The following CFAP299 variants were observed in gnomAD, a reference collection of about 807,000 sequenced individuals.
CFAP299 encodes the protein cilia and flagella associated protein 299, also known as cilia- and flagella-associated protein 299.
CFAP299 carries 21 observed loss-of-function variants against 27.0 expected under a neutral mutation model. The observed-to-expected ratio is 0.78, with a 90% CI of 0.55 to 1.12. The LOEUF is 1.12. Among genes scored for constraint, CFAP299 ranks in the 50% most tolerant of loss-of-function variants. The probability of loss-of-function intolerance (pLI) is 0.00; values close to 1 mark genes in which losing one functional copy is unlikely to be tolerated. For missense variants in CFAP299, 310 were observed against 276.6 expected, an observed-to-expected ratio of 1.12 and a Z score of -0.86; for synonymous variants, 104 against 98.1, an observed-to-expected ratio of 1.06 and a Z score of -0.36.
At chr4:80,745,577 G>GA (rs1032090851) in intron 3 of CFAP299, among the ~76,000 whole-genome samples, 17 of 151,284 alleles carry the variant, frequency 1.1e-4, no homozygotes, top group African/African-American at 4.1e-4. Context: ...TAGATTTACA[G>GA]AAAATGTGTG....
At chr4:80,906,367 G>T (rs963978196) in intron 4 of CFAP299, among the ~76,000 whole-genome samples, 4 of 152,202 alleles carry the variant, frequency 2.6e-5, no homozygotes, top group African/African-American at 9.7e-5. Flanking sequence ...AGCATTGAGT[G>T]TCTGCAGTTT....
rs563175366 is a variant in CFAP299, at chr4:80,789,426, C to T, written c.334-80567C>T. On this transcript the variant is annotated intron_variant, in intron 3 of 5. Transcript: ENST00000358105. The stretch of plus-strand genomic sequence containing the variant: ...TTAATTTCAATTAGAACCCATTCTA[C>T]CTACATTAGATAGCCTCATGAATTT... Among the ~76,000 whole-genome samples, 9 of 152,108 alleles carry T rather than the reference C, an allele frequency of 5.9e-5. No individual in the cohort carries two copies. In the East Asian group the frequency reaches 1.5e-3, roughly 26 times the overall value.
chr4:80,659,960 T>TA (rs1740754750), intron 3 of CFAP299, among the ~76,000 whole-genome samples: 2 of 152,120 alleles, frequency 1.3e-5, no homozygotes, highest in Admixed American at 6.6e-5. Flanking sequence ...TAGATGCTAA[T>TA]AACATTGGGT....
intron 5 of CFAP299, among the ~76,000 whole-genome samples, chr4:80,949,464 G>A (rs1206101184): frequency 6.6e-6 from 1 of 151,770 alleles, no homozygotes; most frequent in Non-Finnish European, 1.5e-5. Flanking sequence ...TAAACTTTTA[G>A]TGGGGACTTA....
intron 2 of CFAP299, among the ~76,000 whole-genome samples, chr4:80,392,166 C>T (rs527844760): frequency 1.3e-5 from 2 of 152,298 alleles, no homozygotes; most frequent in Admixed American, 1.3e-4. Context: ...GATGCCTTTA[C>T]CTCCATTGTA....
At chr4:80,582,579 T>C (rs749975840) in intron 2 of CFAP299, among the ~76,000 whole-genome samples, 15 of 151,932 alleles carry the variant, frequency 9.9e-5, no homozygotes, top group Non-Finnish European at 1.9e-4. Flanking sequence ...CAGAGAATGA[T>C]ATTTTTTGAA....
intron 3 of CFAP299, among the ~76,000 whole-genome samples, chr4:80,695,313 G>A (rs1034097242): frequency 1.3e-5 from 2 of 152,130 alleles, no homozygotes; most frequent in African/African-American, 2.4e-5. Flanking sequence ...TTTATGGACT[G>A]CTAAAGCCTT....
At chr4:80,689,379 G>A (rs1356690399) in intron 3 of CFAP299, among the ~76,000 whole-genome samples, 6 of 152,184 alleles carry the variant, frequency 3.9e-5, no homozygotes, top group Non-Finnish European at 7.3e-5. Context: ...CAGAGTGGGG[G>A]CCAATATTCA....
chr4:80,610,229 C>G (rs1737896775), intron 3 of CFAP299, among the ~76,000 whole-genome samples: 1 of 151,980 alleles, frequency 6.6e-6, no homozygotes, highest in Admixed American at 6.6e-5. Flanking sequence ...GAAGTGTGGA[C>G]AGAAATGAGA....
At chr4:80,690,728 C>G (rs1302076200) in intron 3 of CFAP299, among the ~76,000 whole-genome samples, 2 of 152,024 alleles carry the variant, frequency 1.3e-5, no homozygotes, top group Non-Finnish European at 2.9e-5. Flanking sequence ...ACACAAAAAA[C>G]CCTTCAAAAA....
intron 3 of CFAP299, among the ~76,000 whole-genome samples, chr4:80,823,685 AC>A (rs990446709): frequency 6.6e-6 from 1 of 152,162 alleles, no homozygotes; most frequent in Admixed American, 6.6e-5. Context: ...CTGAATATCT[AC>A]CTTATGCCTG....
At chr4:80,831,934 T>C (rs541387039) in intron 3 of CFAP299, among the ~76,000 whole-genome samples, 52 of 152,308 alleles carry the variant, frequency 3.4e-4, no homozygotes, top group Non-Finnish European at 6.3e-4. Context: ...TTAATGATGT[T>C]CCAAACAATT....
chr4:80,577,124 T>A (rs1560634106), intron 2 of CFAP299, among the ~76,000 whole-genome samples: 1 of 152,196 alleles, frequency 6.6e-6, no homozygotes, highest in African/African-American at 2.4e-5. Context: ...GTTTATGATA[T>A]GCTGCTTTGA....
At chr4:80,816,962 T>C (rs1047620519) in intron 3 of CFAP299, among the ~76,000 whole-genome samples, 1 of 152,112 alleles carries the variant, frequency 6.6e-6, no homozygotes, top group Non-Finnish European at 1.5e-5. Context: ...TGGACAAGCT[T>C]GGTATAGTGC....
At chr4:80,847,692 G>C (rs567557659) in intron 3 of CFAP299, among the ~76,000 whole-genome samples, 2 of 152,186 alleles carry the variant, frequency 1.3e-5, no homozygotes, top group African/African-American at 4.8e-5. Flanking sequence ...TACATTATGG[G>C]GCTTGGGTTA....
At chr4:80,471,077 AT>A (rs144240581) in intron 2 of CFAP299, among the ~76,000 whole-genome samples, 7,937 of 152,140 alleles carry the variant, frequency 0.052, 700 homozygotes, top group African/African-American at 0.18. Context: ...TGTTATCCCT[AT>A]TTTACAAAGG....
At chr4:80,355,088 G>A (rs1202792452) in intron 1 of CFAP299, among the ~76,000 whole-genome samples, 2 of 152,050 alleles carry the variant, frequency 1.3e-5, no homozygotes, top group African/African-American at 2.4e-5. Context: ...AGGTCTTTGA[G>A]GAATTGCTGC....
intron 3 of CFAP299, among the ~76,000 whole-genome samples, chr4:80,747,958 C>T (rs1214724978): frequency 1.3e-5 from 2 of 151,958 alleles, no homozygotes; most frequent in Non-Finnish European, 2.9e-5. Context: ...TTTCTGAATT[C>T]CTGATTTACA....
chr4:80,457,548 C>T (rs973529843), intron 2 of CFAP299, among the ~76,000 whole-genome samples: 6 of 152,218 alleles, frequency 3.9e-5, no homozygotes, highest in African/African-American at 1.4e-4. Flanking sequence ...CTATTTGATA[C>T]TTTCATCTCT....
Sources: gnomAD v4.1 joint callset for allele counts (sites outside exome capture counted in the v4.1 genomes callset) on GRCh38, gnomAD v4.1.1 for gene constraint, MANE v1.5 for transcripts, NCBI Gene and HGNC (gene_info 2026-07-23, HGNC 2026-07-21) for gene names.